ROBO1: variants seen among roughly 807,000 people sequenced by gnomAD.
ROBO1 encodes the protein roundabout homolog 1.
In ROBO1, 149 loss-of-function variants were observed where a neutral mutation model predicts 195.9. The ratio of observed to expected loss-of-function variants is 0.76; its 90% CI spans 0.67 to 0.87. ROBO1 has a LOEUF of 0.87. Ranked by LOEUF, ROBO1 falls within the 40% of genes least tolerant of loss-of-function variation. The probability of loss-of-function intolerance (pLI) is 0.00; values close to 1 mark genes in which losing one functional copy is unlikely to be tolerated. For missense variants in ROBO1, 1,933 were observed against 2,068.3 expected (o/e 0.93, Z 1.27); for synonymous variants, 816 against 733.2 (o/e 1.11, Z -1.82).
chr3:78,976,141 A>T (rs900218484), intron 3 of ROBO1, among the ~76,000 whole-genome samples: 2 of 152,220 alleles, frequency 1.3e-5, no homozygotes, highest in Admixed American at 6.5e-5. Flanking sequence ...TACACATGTT[A>T]GAACTGCTCC....
chr3:79,376,507 G>C (rs529090905), intron 2 of ROBO1, among the ~76,000 whole-genome samples: 1 of 152,170 alleles, frequency 6.6e-6, no homozygotes, highest in Non-Finnish European at 1.5e-5. Flanking sequence ...GAGGGACCTG[G>C]TGTGAGGTAA....
rs186925524 is a variant in ROBO1, at chr3:78,813,133, T to C, written c.500-66233A>G. Reference sequence around the variant, plus strand: ...ACACATACAGATCTGTCAATTGCCATATGATCTAATCTTTGGAAAAACAAA... The same window carrying C: ...ACACATACAGATCTGTCAATTGCCACATGATCTAATCTTTGGAAAAACAAA... On this transcript the variant is annotated intron_variant, in intron 4 of 30. Transcript: ENST00000464233. 4.8e-3 allele frequency among the ~76,000 whole-genome samples: 734 copies of C among 152,182 alleles called. 10 individuals are homozygous for C. The highest frequency in any genetic ancestry group is 0.022 in the Admixed American group (342 of 15,260).
intron 2 of ROBO1, among the ~76,000 whole-genome samples, chr3:79,203,054 T>A (rs1439868894): frequency 4.6e-5 from 7 of 152,136 alleles, no homozygotes; most frequent in African/African-American, 2.4e-5. Flanking sequence ...CCTATAGGTG[T>A]TGCAAGGATT....
intron 8 of ROBO1, among the ~76,000 whole-genome samples, chr3:78,707,706 C>T (rs549385495): frequency 4.3e-4 from 66 of 152,280 alleles, no homozygotes; most frequent in Non-Finnish European, 8.5e-4. Context: ...ATGTTTAGCA[C>T]CTGCCTTTTC....
At chr3:79,372,124 C>T (rs529939668) in intron 2 of ROBO1, among the ~76,000 whole-genome samples, 37 of 152,124 alleles carry the variant, frequency 2.4e-4, no homozygotes, top group African/African-American at 8.0e-4. Flanking sequence ...TTATCTCCTG[C>T]TATGCGGTCT....
chr3:79,358,313 T>C (rs187616296), intron 2 of ROBO1, among the ~76,000 whole-genome samples: 82 of 152,202 alleles, frequency 5.4e-4, no homozygotes, highest in African/African-American at 1.9e-3. Context: ...AAATGCAATA[T>C]GATTCAGGTT....
At chr3:79,093,666 T>C (rs926623346) in intron 3 of ROBO1, among the ~76,000 whole-genome samples, 4 of 152,038 alleles carry the variant, frequency 2.6e-5, no homozygotes, top group Admixed American at 6.6e-5. Flanking sequence ...AGGCAGTTGT[T>C]TTTAAGACAG....
intron 1 of ROBO1, among the ~76,000 whole-genome samples, chr3:79,635,461 T>C (rs1945469685): frequency 6.6e-6 from 1 of 152,226 alleles, no homozygotes; most frequent in African/African-American, 2.4e-5. Flanking sequence ...TTATATTTTT[T>C]CATTTTTAGA....
intron 2 of ROBO1, among the ~76,000 whole-genome samples, chr3:79,245,431 T>G (rs777127632): frequency 1.3e-5 from 2 of 152,054 alleles, no homozygotes; most frequent in Non-Finnish European, 2.9e-5. Context: ...TAGTGCTAAT[T>G]TATGCATTCA....
chr3:79,290,218 G>A (rs1367530991), intron 2 of ROBO1, among the ~76,000 whole-genome samples: 1 of 151,936 alleles, frequency 6.6e-6, no homozygotes, highest in Non-Finnish European at 1.5e-5. Flanking sequence ...CTTTTTAGTA[G>A]AGACAGGGTT....
intron 4 of ROBO1, among the ~76,000 whole-genome samples, chr3:78,816,317 AT>A (rs1005355654): frequency 5.9e-5 from 9 of 152,026 alleles, no homozygotes; most frequent in African/African-American, 2.2e-4. Context: ...ATGCAAAAAA[AT>A]ATTCCTTTCA....
intron 1 of ROBO1, among the ~76,000 whole-genome samples, chr3:79,712,844 A>G (rs1278386978): frequency 1.3e-5 from 2 of 152,138 alleles, no homozygotes; most frequent in African/African-American, 4.8e-5. Context: ...CTTAAGAATG[A>G]TGCTAAATCT....
chr3:79,680,975 T>C (rs1946929189), intron 1 of ROBO1, among the ~76,000 whole-genome samples: 1 of 151,832 alleles, frequency 6.6e-6, no homozygotes, highest in African/African-American at 2.4e-5. Flanking sequence ...GACTGGAACA[T>C]AGTGATTGAG....
chr3:79,125,535 AG>A lies in ROBO1; in HGVS notation c.92del (p.Pro31LeufsTer4). Reference protein sequence around the residue: ...HLFLAQLIPDPEDVERGNDHG... With the variant: ...HLFLAQLIPDXEDVERGNDHG... ...GGTCGTTCCCCCTCTCTACATCTTC[AG>A]GGTCTGTCGGAAACAACACCAGAGC... On this transcript the variant is annotated frameshift_variant, in exon 3 of 31. Transcript: ENST00000464233. LOFTEE classifies it high-confidence loss of function. The A allele has an allele frequency of 6.2e-7, 1 of 1,613,332 alleles. No individual in the cohort carries two copies. The highest frequency in any genetic ancestry group is 8.5e-7 in the Non-Finnish European group (1 of 1,179,624).
intron 2 of ROBO1, among the ~76,000 whole-genome samples, chr3:79,577,601 C>T (rs1372967645): frequency 1.3e-5 from 2 of 152,102 alleles, no homozygotes; most frequent in South Asian, 2.1e-4. Flanking sequence ...ACTGGCTGGG[C>T]GTGGTGGGAC....
At chr3:78,607,234 A>G (rs1703521134) in intron 28 of ROBO1, 193 bp from the exon 29 acceptor site, 1 of 587,566 alleles carries the variant, frequency 1.7e-6, no homozygotes, top group African/African-American at 1.9e-5. Context: ...TTATTCTGAG[A>G]CAGGGTCTTA....
chr3:79,094,977 A>C (rs1442006849), intron 3 of ROBO1, among the ~76,000 whole-genome samples: 1 of 149,372 alleles, frequency 6.7e-6, no homozygotes, highest in Non-Finnish European at 1.5e-5. Flanking sequence ...TCCTTCCACA[A>C]TTATGAAGTA....
intron 29 of ROBO1, among the ~76,000 whole-genome samples, chr3:78,602,574 C>A (rs1214477718): frequency 2.0e-5 from 3 of 152,050 alleles, no homozygotes; most frequent in Non-Finnish European, 2.9e-5. Flanking sequence ...CAGATTATAA[C>A]CCTTTCTAAA....
At chr3:78,745,119 C>A (rs2082625475) in intron 5 of ROBO1, among the ~76,000 whole-genome samples, 1 of 151,752 alleles carries the variant, frequency 6.6e-6, no homozygotes, top group South Asian at 2.1e-4. Context: ...ACCATCCTGG[C>A]CAACACGGTG....
Sources: allele counts gnomAD v4.1 joint callset (sites outside exome capture counted in the v4.1 genomes callset), GRCh38; gene constraint gnomAD v4.1.1; transcripts MANE v1.5; gene names NCBI Gene and HGNC (gene_info 2026-07-23, HGNC 2026-07-21).